AUTS2: variants seen among roughly 807,000 people sequenced by gnomAD.
The protein encoded by AUTS2 is autism susceptibility gene 2 protein.
Under a neutral mutation model 112.4 loss-of-function variants are expected in AUTS2, and 17 were observed. The observed-to-expected ratio is 0.15, with a 90% CI of 0.10 to 0.23. The LOEUF is 0.23. Among genes scored for constraint, AUTS2 ranks in the 10% least tolerant of loss-of-function variants. AUTS2 has a pLI of 1.00. For synonymous variants in AUTS2, 751 were observed against 702.7 expected, an observed-to-expected ratio of 1.07 and a Z score of -1.09; for missense variants, 1,510 against 1,701.6, an observed-to-expected ratio of 0.89 and a Z score of 1.98.
chr7:69,835,967 G>A (rs1027117360), intron 1 of AUTS2, among the ~76,000 whole-genome samples: 21 of 152,180 alleles, frequency 1.4e-4, no homozygotes, highest in African/African-American at 4.6e-4. Flanking sequence ...GTCCTAGAAC[G>A]AATTGCCTCC....
chr7:70,654,999 T>G (rs1434329647), intron 5 of AUTS2, among the ~76,000 whole-genome samples: 1 of 152,262 alleles, frequency 6.6e-6, no homozygotes, highest in Non-Finnish European at 1.5e-5. Flanking sequence ...CACTGCAAGT[T>G]GACTTGAAAT....
At chr7:70,215,983 C>G (rs1811145471) in intron 4 of AUTS2, among the ~76,000 whole-genome samples, 1 of 152,076 alleles carries the variant, frequency 6.6e-6, no homozygotes, top group Admixed American at 6.5e-5. Context: ...ACAGGTTGGC[C>G]CATTGAGAAT....
At chr7:69,887,778 T>G (rs543741759) in intron 1 of AUTS2, among the ~76,000 whole-genome samples, 2 of 152,324 alleles carry the variant, frequency 1.3e-5, no homozygotes, top group East Asian at 3.9e-4. Context: ...TTTCTGTGAA[T>G]AGTGAGGTAC....
At chr7:69,627,965 C>T (rs137962198) in intron 1 of AUTS2, among the ~76,000 whole-genome samples, 149 of 152,202 alleles carry the variant, frequency 9.8e-4, no homozygotes, top group Non-Finnish European at 1.7e-3. Flanking sequence ...GATAGAACTT[C>T]TTAGGGGAGA....
chr7:70,446,143 T>G (rs1009561193), intron 5 of AUTS2, among the ~76,000 whole-genome samples: 1 of 152,228 alleles, frequency 6.6e-6, no homozygotes, highest in Non-Finnish European at 1.5e-5. Flanking sequence ...CCCCAGACAC[T>G]GATTCTCACC....
chr7:70,174,367 G>C (rs1332906260), intron 4 of AUTS2, among the ~76,000 whole-genome samples: 1 of 152,202 alleles, frequency 6.6e-6, no homozygotes, highest in African/African-American at 2.4e-5. Flanking sequence ...TTAAGGAAAG[G>C]AACTATCTCT....
chr7:70,178,088 G>C (rs556889367), intron 4 of AUTS2, among the ~76,000 whole-genome samples: 1 of 151,678 alleles, frequency 6.6e-6, no homozygotes. Flanking sequence ...GCTAATTTTT[G>C]TATTTTTTGT....
chr7:69,611,613 G>A (rs1280327577), intron 1 of AUTS2, among the ~76,000 whole-genome samples: 1 of 152,192 alleles, frequency 6.6e-6, no homozygotes, highest in Non-Finnish European at 1.5e-5. Context: ...TGTCTATACT[G>A]CCTCTACCTC....
chr7:70,040,267 G>A (rs1414661070), intron 2 of AUTS2, among the ~76,000 whole-genome samples: 1 of 152,156 alleles, frequency 6.6e-6, no homozygotes, highest in African/African-American at 2.4e-5. Context: ...CAGTCCTGTG[G>A]GGAATGCTGA....
intron 4 of AUTS2, among the ~76,000 whole-genome samples, chr7:70,163,360 A>AGGGGGGGGGGGGGGGGGGG (rs1562753323): frequency 4.1e-4 from 1 of 2,462 alleles, no homozygotes; most frequent in African/African-American, 1.1e-3. Flanking sequence ...GGGGGGGGGC[A>AGGGGGGGGGGGGGGGGGGG]GAGGGGGAGG....
intron 2 of AUTS2, among the ~76,000 whole-genome samples, chr7:69,927,186 T>TATATATA (rs1796051377): frequency 2.1e-5 from 3 of 142,410 alleles, no homozygotes; most frequent in Admixed American, 7.1e-5. Context: ...TCCAATATAT[T>TATATATA]TATATATATA....
intron 4 of AUTS2, among the ~76,000 whole-genome samples, chr7:70,269,559 A>G (rs1156965284): frequency 6.6e-6 from 1 of 152,144 alleles, no homozygotes; most frequent in Non-Finnish European, 1.5e-5. Context: ...AAGTTATTTG[A>G]CTTCTCTTTG....
intron 4 of AUTS2, among the ~76,000 whole-genome samples, chr7:70,230,938 A>T (rs1812013298): frequency 6.6e-6 from 1 of 152,146 alleles, no homozygotes; most frequent in Non-Finnish European, 1.5e-5. Flanking sequence ...CAGCACACCC[A>T]CCCCGACAGC....
At chr7:70,507,152 C>T (rs1798997554) in intron 5 of AUTS2, among the ~76,000 whole-genome samples, 1 of 152,158 alleles carries the variant, frequency 6.6e-6, no homozygotes, top group South Asian at 2.1e-4. Context: ...GCCACAAACT[C>T]AGTTTTAGCC....
chr7:70,293,471 TAA>T (rs1258906216), intron 4 of AUTS2: 1 of 152,210 alleles, frequency 6.6e-6, no homozygotes, highest in African/African-American at 2.4e-5. Flanking sequence ...ATGTGAGTGA[TAA>T]AGGAGGATAA....
chr7:69,710,479 A>C (rs1027078164), intron 1 of AUTS2, among the ~76,000 whole-genome samples: 1 of 152,196 alleles, frequency 6.6e-6, no homozygotes, highest in African/African-American at 2.4e-5. Flanking sequence ...ACTGGTGCGG[A>C]TGCCTGGATG....
chr7:69,838,330 A>G (rs933185903), intron 1 of AUTS2, among the ~76,000 whole-genome samples: 2 of 152,192 alleles, frequency 1.3e-5, no homozygotes, highest in African/African-American at 4.8e-5. Flanking sequence ...TGATAGCAGA[A>G]TCTCTAACAA....
intron 1 of AUTS2, among the ~76,000 whole-genome samples, chr7:69,893,601 A>G (rs1038752524): frequency 5.3e-5 from 8 of 152,206 alleles, no homozygotes; most frequent in Non-Finnish European, 8.8e-5. Context: ...TTAAATTGCA[A>G]GCCCCTCACA....
At chr7:70,419,803 A>C (rs555215517) in intron 4 of AUTS2, among the ~76,000 whole-genome samples, 1 of 152,272 alleles carries the variant, frequency 6.6e-6, no homozygotes, top group East Asian at 1.9e-4. Flanking sequence ...GTTTTTTTCT[A>C]ATTTGATTGA....
Sources: gnomAD v4.1 joint callset for allele counts (sites outside exome capture counted in the v4.1 genomes callset) on GRCh38, gnomAD v4.1.1 for gene constraint, MANE v1.5 for transcripts, NCBI Gene and HGNC (gene_info 2026-07-23, HGNC 2026-07-21) for gene names.